Variants in CDH12 observed in about 807,000 individuals in gnomAD.
CDH12 encodes cadherin 12, also known as cadherin-12.
In CDH12, 41 loss-of-function variants were observed where a neutral mutation model predicts 74.1. The observed-to-expected ratio is 0.55, with a 90% CI of 0.43 to 0.72. The LOEUF is 0.72. CDH12 is among the 30% of genes least tolerant of loss of function. The probability of loss-of-function intolerance (pLI) is 0.00; values close to 1 mark genes in which losing one functional copy is unlikely to be tolerated. For synonymous variants in CDH12, 399 were observed against 355.0 expected (o/e 1.12, Z -1.39); for missense variants, 945 against 977.2 (o/e 0.97, Z 0.44).
At chr5:22,163,180 C>T (rs1748468107) in intron 4 of CDH12, among the ~76,000 whole-genome samples, 1 of 152,132 alleles carries the variant, frequency 6.6e-6, no homozygotes, top group Non-Finnish European at 1.5e-5. Flanking sequence ...CGCTCCCGGC[C>T]CCCTCTGACG....
chr5:22,596,809 G>T (rs546752045), intron 1 of CDH12, among the ~76,000 whole-genome samples: 1 of 152,132 alleles, frequency 6.6e-6, no homozygotes, highest in Non-Finnish European at 1.5e-5. Context: ...TGAAACAATA[G>T]ATCAGACATG....
At chr5:22,720,272 C>T (rs187729515) in intron 1 of CDH12, among the ~76,000 whole-genome samples, 2 of 151,980 alleles carry the variant, frequency 1.3e-5, no homozygotes, top group Admixed American at 6.6e-5. Flanking sequence ...TCACAATATC[C>T]GATGGTTTTT....
chr5:22,069,492 C>T (rs1172011342), intron 5 of CDH12, among the ~76,000 whole-genome samples: 4 of 152,196 alleles, frequency 2.6e-5, no homozygotes, highest in Non-Finnish European at 5.9e-5. Context: ...ACCACTATTA[C>T]TCCTGGTGAC....
chr5:22,584,407 AT>A (rs897649997), intron 1 of CDH12, among the ~76,000 whole-genome samples: 258 of 152,058 alleles, frequency 1.7e-3, no homozygotes, highest in African/African-American at 6.0e-3. Flanking sequence ...GAAGGAATTT[AT>A]TTTTTTTAAT....
At chr5:22,577,797 T>A (rs181478466) in intron 1 of CDH12, among the ~76,000 whole-genome samples, 1 of 152,316 alleles carries the variant, frequency 6.6e-6, no homozygotes, top group African/African-American at 2.4e-5. Context: ...ACAGTAATCA[T>A]CAAAGAATGT....
chr5:21,979,110 A>G (rs530414654), intron 5 of CDH12, among the ~76,000 whole-genome samples: 1 of 152,318 alleles, frequency 6.6e-6, no homozygotes, highest in East Asian at 1.9e-4. Flanking sequence ...ACATACGGCA[A>G]GCTAATAATT....
In CDH12 at chr5:22,256,649, TA is replaced by T. The variant is rs1753328232; in HGVS notation, c.-332-44007del. ...TTATCATAGATGCCAGCTCCATGAC[TA>T]TTACTAGCCTTAAAGACCTTCCAGT... On this transcript the variant is annotated intron_variant, in intron 3 of 14. Transcript: ENST00000382254. 2.0e-5 allele frequency among the ~76,000 whole-genome samples: 3 copies of T among 152,272 alleles called. No individual in the cohort carries two copies. In the South Asian group the frequency reaches 6.2e-4, roughly 32 times the overall value.
At chr5:22,807,722 G>A (rs1748888504) in intron 1 of CDH12, among the ~76,000 whole-genome samples, 2 of 152,142 alleles carry the variant, frequency 1.3e-5, no homozygotes, top group South Asian at 4.1e-4. Flanking sequence ...AAGTACTTGT[G>A]TATATAAACA....
chr5:22,582,706 A>G (rs535333825), intron 1 of CDH12, among the ~76,000 whole-genome samples: 1 of 152,184 alleles, frequency 6.6e-6, no homozygotes, highest in Non-Finnish European at 1.5e-5. Flanking sequence ...TTGTAAGTAT[A>G]ATTACTATGT....
chr5:22,259,212 C>G (rs767134143), intron 3 of CDH12, among the ~76,000 whole-genome samples: 1 of 151,986 alleles, frequency 6.6e-6, no homozygotes, highest in Non-Finnish European at 1.5e-5. Context: ...ATGAGAAGTA[C>G]TTATCTAATT....
chr5:22,654,714 C>T (rs577040979), intron 1 of CDH12, among the ~76,000 whole-genome samples: 1 of 151,832 alleles, frequency 6.6e-6, no homozygotes, highest in East Asian at 2.0e-4. Flanking sequence ...CGGCTCACTG[C>T]AACCCCTGCG....
intron 4 of CDH12, among the ~76,000 whole-genome samples, chr5:22,180,990 C>A (rs2150337564): frequency 6.6e-6 from 1 of 152,250 alleles, no homozygotes; most frequent in Non-Finnish European, 1.5e-5. Flanking sequence ...GACTACTTAA[C>A]TAAATCCTTC....
At chr5:22,002,594 G>A (rs1309196876) in intron 5 of CDH12, among the ~76,000 whole-genome samples, 1 of 152,048 alleles carries the variant, frequency 6.6e-6, no homozygotes, top group Non-Finnish European at 1.5e-5. Context: ...TTGAGCATCT[G>A]TAAATAATGT....
At chr5:22,358,880 T>A (rs1285078476) in intron 3 of CDH12, among the ~76,000 whole-genome samples, 1 of 152,168 alleles carries the variant, frequency 6.6e-6, no homozygotes, top group Non-Finnish European at 1.5e-5. Flanking sequence ...AAAGTAGCTG[T>A]TTAATTCATA....
Position 22,103,205 on chromosome 5 carries a change from A to G in CDH12, c.-186-24343T>C, listed in dbSNP as rs569839485. ...GAATGTATCTGGTCTCATGGAAGTA[A>G]ATCTGACAACCTTTCTATTTTTAAA... On this transcript the variant is annotated intron_variant, in intron 4 of 14. Transcript: ENST00000382254. Among the ~76,000 whole-genome samples the G allele has an allele frequency of 5.3e-5, 8 of 152,314 alleles. No individual in the cohort carries two copies. In the South Asian group the frequency reaches 1.7e-3, roughly 32 times the overall value.
At chr5:22,394,415 A>G (rs1168421979) in intron 3 of CDH12, among the ~76,000 whole-genome samples, 1 of 152,122 alleles carries the variant, frequency 6.6e-6, no homozygotes, top group Non-Finnish European at 1.5e-5. Flanking sequence ...CAGGCAACAA[A>G]CAGAAATATA....
At chr5:21,972,594 G>C (rs1165964633) in intron 6 of CDH12, among the ~76,000 whole-genome samples, 1 of 152,176 alleles carries the variant, frequency 6.6e-6, no homozygotes, top group Non-Finnish European at 1.5e-5. Context: ...TAGGAACATA[G>C]ATGTAAGTTC....
chr5:22,618,776 C>A (rs1164623586), intron 1 of CDH12, among the ~76,000 whole-genome samples: 3 of 151,986 alleles, frequency 2.0e-5, no homozygotes, highest in Non-Finnish European at 4.4e-5. Context: ...CCATAATTCC[C>A]ATGTGTCATG....
intron 8 of CDH12, among the ~76,000 whole-genome samples, chr5:21,831,012 C>T (rs1579787938): frequency 6.6e-6 from 1 of 151,304 alleles, no homozygotes; most frequent in South Asian, 2.1e-4. Context: ...CACTCCAAGC[C>T]GGGGCGACAG....
Sources: allele counts gnomAD v4.1 joint callset (sites outside exome capture counted in the v4.1 genomes callset), GRCh38; gene constraint gnomAD v4.1.1; transcripts MANE v1.5; gene names NCBI Gene and HGNC (gene_info 2026-07-23, HGNC 2026-07-21).